The following ABCC3 variants were observed in gnomAD, a reference collection of about 807,000 sequenced individuals.
ABCC3 encodes ATP-binding cassette sub-family C member 3.
In ABCC3, 121 loss-of-function variants were observed where a neutral mutation model predicts 165.3. The observed-to-expected ratio is 0.73, with a 90% CI of 0.63 to 0.85. The LOEUF (loss-of-function observed/expected upper bound fraction) is 0.85, where lower values mean the gene tolerates loss of function less well. Among genes scored for constraint, ABCC3 ranks in the 40% least tolerant of loss-of-function variants. The pLI is 0.00. For synonymous variants in ABCC3, 733 were observed against 810.1 expected (o/e 0.90, Z 1.62); for missense variants, 1,869 against 1,964.1 (o/e 0.95, Z 0.92).
intron 1 of ABCC3, among the ~76,000 whole-genome samples, chr17:50,654,872 CGTA>C (rs1567827545): frequency 6.8e-6 from 1 of 147,342 alleles, no homozygotes; most frequent in African/African-American, 2.5e-5. Context: ...GCGGGCAGGT[CGTA>C]AGGTCAAGAG....
At position 50,661,009 on chromosome 17, in the gene ABCC3, C is replaced by T. The variant is rs1341747464; in HGVS notation, c.893C>T (p.Ser298Phe). ...GCCCGGCCCAGGCCCCGGAAGCCCT[C>T]CTTCCTGAAGGCCCTGCTGGCCACC... ...LGARPRPRKP[S>F]FLKALLATFG... The change falls in exon 8 of 31, where the codon TCC (serine) becomes TTC (phenylalanine). Residue 298 changes from serine to phenylalanine, a missense_variant. Ser to Phe is a radical substitution (Grantham distance 155). Transcript: ENST00000285238. 6.2e-7 allele frequency: 1 copy of T among 1,614,038 alleles called. No individual in the cohort carries two copies. The highest frequency in any genetic ancestry group is 8.5e-7 in the Non-Finnish European group (1 of 1,180,012).
intron 26 of ABCC3, 37 bp downstream of exon 26, chr17:50,679,936 G>A: frequency 6.4e-7 from 1 of 1,558,500 alleles, no homozygotes. Context: ...GGGGGAATCT[G>A]AAGTAGCTGG....
At chr17:50,669,592 A>T (rs1967602508) in intron 17 of ABCC3, 64 bp downstream of exon 17, 2 of 1,546,010 alleles carry the variant, frequency 1.3e-6, no homozygotes, top group Non-Finnish European at 1.8e-6. Flanking sequence ...AACCCAGCCC[A>T]GGTCCATATA....
chr17:50,673,546 G>A lies in ABCC3; in HGVS notation c.2487G>A (p.Val829=), dbSNP rs757433152. 5 of 1,614,214 alleles carry A rather than the reference G, an allele frequency of 3.1e-6. No homozygotes were observed. The highest frequency in any genetic ancestry group is 4.2e-6 in the Non-Finnish European group (5 of 1,180,044). ...DFIIVLADGQ[V]SEMGPYPALL... ...TCATTGTGCTAGCTGATGGACAGGT[G>A]TCTGAGATGGGCCCGTACCCAGCCC... Residue 829 remains valine, a synonymous_variant, in exon 19 of 31, where the codon GTG becomes GTA. Transcript: ENST00000285238.
chr17:50,674,048 C>T (rs1461972437), intron 19 of ABCC3, among the ~76,000 whole-genome samples: 1 of 42,038 alleles, frequency 2.4e-5, no homozygotes, highest in Non-Finnish European at 4.8e-5. Context: ...TTCTTTCTTT[C>T]TTTCTTTCTT....
chr17:50,650,645 G>A (rs1442041622), intron 1 of ABCC3, among the ~76,000 whole-genome samples: 1 of 152,068 alleles, frequency 6.6e-6, no homozygotes, highest in African/African-American at 2.4e-5. Context: ...ACGTCTTATA[G>A]CTTTTCCTTA....
rs1160484579 is a variant in ABCC3 at position 50,680,142 on chromosome 17, G to T, written c.3807+243G>T. On this transcript the variant is annotated intron_variant, in intron 26 of 30. Coordinates refer to ENST00000285238, the MANE Select transcript of ABCC3 (RefSeq NM_003786.4). ...TTTGGTGGGAGGGGTAAGACCTATT[G>T]CAGGGCTTTGCAGTGGATGACCAGA... 2.0e-5 allele frequency among the ~76,000 whole-genome samples: 3 copies of T among 152,214 alleles called. No homozygotes were observed. The South Asian group carries it at 6.2e-4, about 31-fold the overall frequency.
At position 50,650,145 on chromosome 17, in the gene ABCC3, G is replaced by A. The variant is rs752842581; in HGVS notation, c.46-5687G>A. ...TTTGATATTAATGCTAGCTCTTATCGCCCAGGCTGGAGTGCAATGGTGCAA... is the reference window on the plus strand; with the variant it reads ...TTTGATATTAATGCTAGCTCTTATCACCCAGGCTGGAGTGCAATGGTGCAA... On this transcript the variant is annotated intron_variant, in intron 1 of 30. Coordinates refer to ENST00000285238, the MANE Select transcript of ABCC3 (RefSeq NM_003786.4). Among the ~76,000 whole-genome samples the A allele has an allele frequency of 4.6e-5, 7 of 152,066 alleles. No individual in the cohort carries two copies. In the East Asian group the frequency reaches 5.8e-4, roughly 13 times the overall value.
intron 1 of ABCC3, among the ~76,000 whole-genome samples, chr17:50,644,310 CAAAA>C (rs57937379): frequency 9.8e-5 from 5 of 51,264 alleles, no homozygotes; most frequent in African/African-American, 3.1e-4. Flanking sequence ...GACTCCGTCT[CAAAA>C]AAAAAAAAAA....
In ABCC3 at chr17:50,691,738, T is replaced by C. The variant is rs1193348420; in HGVS notation, c.*538T>C. The C allele has an allele frequency of 6.6e-6, 1 of 152,332 alleles. No homozygotes were observed. The highest frequency in any genetic ancestry group is 1.9e-4 in the East Asian group (1 of 5,194). The allele number at this position is 152,332 out of a possible 1,614,324, so 9.4% of individuals were successfully genotyped here. A position where few individuals can be genotyped will look rare whatever the true frequency, so the allele number is the denominator to read the frequency against. On this transcript the variant is annotated 3_prime_UTR_variant, in exon 31 of 31. Transcript: ENST00000285238. ...AGTCTTTTTGCACTTGTTCACAAGG[T>C]TTGGGGATTAGGATCTTTGGAGGAG...
Position 50,686,524 on chromosome 17 carries a change from G to A in ABCC3, c.4281-1012G>A, listed in dbSNP as rs138822684. ...AAGTGGCTCTCACTTACATAACCAC[G>A]TGGGGGTGGCTGGCGGACAAACATG... On this transcript the variant is annotated intron_variant, in intron 29 of 30. Transcript: ENST00000285238. Among the ~76,000 whole-genome samples the A allele has an allele frequency of 2.3e-3, 344 of 152,118 alleles. 1 individual carries two copies. The highest frequency in any genetic ancestry group is 7.5e-3 in the African/African-American group (312 of 41,496).
chr17:50,654,868 A>T (rs1967190622), intron 1 of ABCC3, among the ~76,000 whole-genome samples: 1 of 150,330 alleles, frequency 6.7e-6, no homozygotes, highest in African/African-American at 2.5e-5. Context: ...CGAGGCGGGC[A>T]GGTCGTAAGG....
At chr17:50,666,796 G>T (rs897589877) in intron 11 of ABCC3, among the ~76,000 whole-genome samples, 10 of 152,166 alleles carry the variant, frequency 6.6e-5, no homozygotes, top group African/African-American at 2.4e-4. Flanking sequence ...GCCACACCTT[G>T]GGCTAAGGTC....
chr17:50,637,202 T>C (rs2054189042), intron 1 of ABCC3, among the ~76,000 whole-genome samples: 3 of 151,996 alleles, frequency 2.0e-5, no homozygotes, highest in African/African-American at 7.3e-5. Context: ...TCTTTCACAT[T>C]CTCTTCTGGC....
chr17:50,684,614 G>T, intron 28 of ABCC3, 95 bp from the exon 29 acceptor site: 2 of 1,349,236 alleles, frequency 1.5e-6, no homozygotes, highest in Non-Finnish European at 2.0e-6. Context: ...TGGGAATGCT[G>T]CCACCTTAAT....
intron 30 of ABCC3, among the ~76,000 whole-genome samples, chr17:50,690,875 G>C (rs1224563023): frequency 1.3e-5 from 2 of 152,222 alleles, no homozygotes; most frequent in African/African-American, 4.8e-5. Context: ...AGATGAATAG[G>C]ACCTTGTGTT....
Position 50,675,870 on chromosome 17 carries a change from C to T in ABCC3, c.2860-13C>T. 1.2e-6 allele frequency: 2 copies of T among 1,613,916 alleles called. No homozygotes were observed. Among genetic ancestry groups the T allele is most frequent in the Non-Finnish European group, 1.7e-6 (2 of 1,179,924 alleles). ...AGTCCCCTGTCCCTGACTGCCATGGCTGCTCCCTACAGGTGGAGCTCAGTG... is the reference window on the plus strand; with the variant it reads ...AGTCCCCTGTCCCTGACTGCCATGGTTGCTCCCTACAGGTGGAGCTCAGTG... On this transcript the variant is annotated splice_polypyrimidine_tract_variant and intron_variant, in intron 21 of 30. Transcript: ENST00000285238.
intron 23 of ABCC3, among the ~76,000 whole-genome samples, chr17:50,677,038 C>T (rs868543132): frequency 1.2e-4 from 18 of 152,304 alleles, no homozygotes; most frequent in South Asian, 4.1e-4. Flanking sequence ...TGCGCCACCA[C>T]GCCCAGCTAA....
chr17:50,664,199 CA>C, intron 10 of ABCC3, 88 bp downstream of exon 10: 4 of 1,525,338 alleles, frequency 2.6e-6, no homozygotes, highest in Non-Finnish European at 3.6e-6. Flanking sequence ...GGGAGCATGG[CA>C]CATGCTTGTA....
Sources: allele counts gnomAD v4.1 joint callset (sites outside exome capture counted in the v4.1 genomes callset), GRCh38; gene constraint gnomAD v4.1.1; transcripts MANE v1.5; gene names NCBI Gene and HGNC (gene_info 2026-07-23, HGNC 2026-07-21).